EXTL3: variants seen among roughly 807,000 people sequenced by gnomAD.
The protein encoded by EXTL3 is exostosin like glycosyltransferase 3.
EXTL3 carries 27 observed loss-of-function variants against 69.3 expected under a neutral mutation model. The observed-to-expected ratio is 0.39, with a 90% CI of 0.29 to 0.54. EXTL3 has a LOEUF of 0.54. Ranked by LOEUF, EXTL3 falls within the 20% of genes least tolerant of loss-of-function variation. EXTL3 has a pLI of 0.69. For missense variants in EXTL3, 1,003 were observed against 1,231.8 expected (o/e 0.81, Z 2.78); for synonymous variants, 511 against 499.4 (o/e 1.02, Z -0.31).
Position 28,660,975 on chromosome 8 carries a change from G to A in EXTL3, c.-53+38165G>A, listed in dbSNP as rs191446271. Among the ~76,000 whole-genome samples, 1,139 of 145,732 alleles carry A rather than the reference G, an allele frequency of 7.8e-3. 19 individuals carry two copies. Among genetic ancestry groups the A allele is most frequent in the African/African-American group, 0.025 (993 of 39,652 alleles). ...GTTGCCCAGGCTGGAGTGCAGTGGC[G>A]CGATCTCTGCTCACTGCAAGCTCCG... On this transcript the variant is annotated intron_variant, in intron 1 of 6. Coordinates refer to the EXTL3 transcript ENST00000523149.
rs548682209 is a variant in EXTL3, at chr8:28,721,605, C to CT, written c.2148+3405dup. On this transcript the variant is annotated intron_variant, in intron 3 of 6. Transcript: ENST00000220562. Reference sequence around the variant, plus strand: ...CACTCTCTAGTGCCTTCTGGAAATTCTTTTTTTGGTATTTTTGTGCAGAGG... The same window carrying CT: ...CACTCTCTAGTGCCTTCTGGAAATTCTTTTTTTTGGTATTTTTGTGCAGAGG... 1.8e-3 allele frequency among the ~76,000 whole-genome samples: 275 copies of CT among 152,190 alleles called. 1 individual carries two copies. Among genetic ancestry groups the CT allele is most frequent in the Middle Eastern group, 0.014 (4 of 294 alleles).
intron 1 of EXTL3, among the ~76,000 whole-genome samples, chr8:28,633,672 T>C (rs1303221823): frequency 1.3e-5 from 2 of 152,130 alleles, no homozygotes; most frequent in East Asian, 1.9e-4. Flanking sequence ...ATGAAAATAA[T>C]ATAAATTTAA....
At chr8:28,683,110 TTGG>T (rs1201674471) in intron 1 of EXTL3, among the ~76,000 whole-genome samples, 3 of 152,304 alleles carry the variant, frequency 2.0e-5, no homozygotes, top group Admixed American at 2.0e-4. Flanking sequence ...TTCTGTTCCA[TTGG>T]TCTATGTGTC....
rs1806451552 is a variant in EXTL3, at chr8:28,623,927, ATTATAT to A, written c.-53+1122_-53+1127del. Reference sequence around the variant, plus strand: ...CCTCTGAGAAGGTTGAACTATTAATATTATATTTATTGTTCATTCCAAGTCTAAAAT... The same window carrying A: ...CCTCTGAGAAGGTTGAACTATTAATATTATTGTTCATTCCAAGTCTAAAAT... On this transcript the variant is annotated intron_variant, in intron 1 of 6. Transcript: ENST00000523149. The surrounding 1 kb of genome is among the most constrained non-coding windows in gnomAD (Gnocchi z 4.2). Among the ~76,000 whole-genome samples, 1 of 152,200 alleles carries A rather than the reference ATTATAT, an allele frequency of 6.6e-6. No homozygotes were observed. Among genetic ancestry groups the A allele is most frequent in the Non-Finnish European group, 1.5e-5 (1 of 68,030 alleles).
chr8:28,647,395 T>C (rs1356318228), intron 1 of EXTL3, among the ~76,000 whole-genome samples: 1 of 152,162 alleles, frequency 6.6e-6, no homozygotes. Flanking sequence ...CTCAATTTAG[T>C]TCTTTTTATG....
At chr8:28,629,182 A>C (rs1022178673) in intron 1 of EXTL3, among the ~76,000 whole-genome samples, 2 of 125,634 alleles carry the variant, frequency 1.6e-5, no homozygotes, top group African/African-American at 5.9e-5. Context: ...TCCCCCTGAA[A>C]GACAACCAGT....
intron 1 of EXTL3, among the ~76,000 whole-genome samples, chr8:28,669,391 C>A (rs553584290): frequency 1.5e-4 from 23 of 152,320 alleles, no homozygotes; most frequent in Non-Finnish European, 2.8e-4. Context: ...TGCTATGCAG[C>A]TTTGCTGCTC....
At chr8:28,631,747 T>G (rs745611511) in intron 1 of EXTL3, 2 of 152,202 alleles carry the variant, frequency 1.3e-5, no homozygotes, top group African/African-American at 2.4e-5. Context: ...GGTCTGCTAG[T>G]TGCTAGTTTC....
chr8:28,686,813 A>C (rs1195138595), intron 1 of EXTL3, among the ~76,000 whole-genome samples: 1 of 152,242 alleles, frequency 6.6e-6, no homozygotes, highest in African/African-American at 2.4e-5. Flanking sequence ...ATGTTTGTTG[A>C]GTGCTTACTG....
At chr8:28,639,788 A>G (rs532600605) in intron 1 of EXTL3, among the ~76,000 whole-genome samples, 1 of 152,284 alleles carries the variant, frequency 6.6e-6, no homozygotes, top group South Asian at 2.1e-4. Context: ...CTTAGCACTT[A>G]TCACCCTTTC....
chr8:28,704,674 C>A (rs956265713), intron 1 of EXTL3, among the ~76,000 whole-genome samples: 1 of 146,870 alleles, frequency 6.8e-6, no homozygotes, highest in African/African-American at 2.5e-5. Flanking sequence ...TTTTTTTTTT[C>A]AATTTTTCTA....
intron 1 of EXTL3, among the ~76,000 whole-genome samples, chr8:28,630,971 G>C (rs1806562833): frequency 6.6e-6 from 1 of 152,208 alleles, no homozygotes; most frequent in Non-Finnish European, 1.5e-5. Flanking sequence ...ACATAAAAGT[G>C]ATCAAAGCAG....
chr8:28,647,137 T>C (rs1661073017), intron 1 of EXTL3, among the ~76,000 whole-genome samples: 1 of 151,612 alleles, frequency 6.6e-6, no homozygotes, highest in Non-Finnish European at 1.5e-5. Context: ...GGAGTTTTGC[T>C]CTTGTCGTCC....
chr8:28,701,832 C>CG (rs1213012990), intron 1 of EXTL3, among the ~76,000 whole-genome samples, 173 bp downstream of exon 1: 1 of 152,008 alleles, frequency 6.6e-6, no homozygotes, highest in African/African-American at 2.4e-5. Context: ...AGCCTCCGAG[C>CG]GGAGTAGGCC....
At chr8:28,733,700 A>G (rs1801587703) in intron 4 of EXTL3, among the ~76,000 whole-genome samples, 1 of 150,570 alleles carries the variant, frequency 6.6e-6, no homozygotes, top group African/African-American at 2.5e-5. Flanking sequence ...TGTGATTTGC[A>G]TTTCTCTCAA....
At chr8:28,654,639 T>A (rs1321875868) in intron 1 of EXTL3, among the ~76,000 whole-genome samples, 3 of 152,208 alleles carry the variant, frequency 2.0e-5, no homozygotes, top group Non-Finnish European at 4.4e-5. Flanking sequence ...GTTGAATCCA[T>A]GTTCAATATT....
At chr8:28,661,709 G>A (rs1260494750) in intron 1 of EXTL3, among the ~76,000 whole-genome samples, 8 of 151,214 alleles carry the variant, frequency 5.3e-5, no homozygotes, top group African/African-American at 1.7e-4. Context: ...GTGAAACCCC[G>A]CCTCTACTAA....
intron 1 of EXTL3, among the ~76,000 whole-genome samples, chr8:28,624,364 G>C (rs942839974): frequency 6.6e-6 from 1 of 152,164 alleles, no homozygotes; most frequent in Non-Finnish European, 1.5e-5. Context: ...AAGAGTTCAA[G>C]ACCATGCTGG....
At chr8:28,727,936 G>T (rs1182275902) in intron 3 of EXTL3, among the ~76,000 whole-genome samples, 1 of 152,160 alleles carries the variant, frequency 6.6e-6, no homozygotes, top group Admixed American at 6.5e-5. Flanking sequence ...TAATTGTGCT[G>T]TAGATAATCC....
Sources: allele counts gnomAD v4.1 joint callset (sites outside exome capture counted in the v4.1 genomes callset), GRCh38; gene constraint gnomAD v4.1.1; non-coding constraint Gnocchi (gnomAD v3.1); transcripts MANE v1.5; gene names NCBI Gene and HGNC (gene_info 2026-07-23, HGNC 2026-07-21).